The following TNR variants were observed in gnomAD, a reference collection of about 807,000 sequenced individuals.
The protein encoded by TNR is tenascin-R.
Under a neutral mutation model 150.4 loss-of-function variants are expected in TNR, and 45 were observed. The observed-to-expected ratio is 0.30, with a 90% CI of 0.24 to 0.38. TNR has a LOEUF of 0.38. TNR is among the 10% of genes least tolerant of loss of function. TNR has a pLI of 1.00. For missense variants in TNR, 1,544 were observed against 1,759.1 expected, an observed-to-expected ratio of 0.88 and a Z score of 2.19; for synonymous variants, 687 against 678.4, an observed-to-expected ratio of 1.01 and a Z score of -0.20.
At chr1:175,628,193 G>A (rs913740198) in intron 1 of TNR, among the ~76,000 whole-genome samples, 3 of 152,190 alleles carry the variant, frequency 2.0e-5, no homozygotes, top group African/African-American at 7.2e-5. Flanking sequence ...GTTGCCATAA[G>A]GCAGCAAGGA....
chr1:175,532,951 A>G (rs1457050202), intron 1 of TNR, among the ~76,000 whole-genome samples: 1 of 152,154 alleles, frequency 6.6e-6, no homozygotes, highest in East Asian at 1.9e-4. Context: ...GCAAGATTCT[A>G]TTGGTATGCA....
intron 2 of TNR, among the ~76,000 whole-genome samples, chr1:175,493,161 G>A (rs1658333962): frequency 6.6e-6 from 1 of 152,046 alleles, no homozygotes; most frequent in South Asian, 2.1e-4. Flanking sequence ...TCTCCAAGAT[G>A]CTCAGGGTTG....
chr1:175,315,210 T>C lies in TNR; in HGVS notation c.*8147A>G, dbSNP rs1014772397. On this transcript the variant is annotated 3_prime_UTR_variant, in exon 23 of 23. Transcript: ENST00000367674. ...ACACGCATCTTTCTTTCAGGATCTTTTATTAACGTATAGAAAATGTGTTTA... is the reference window on the plus strand; with the variant it reads ...ACACGCATCTTTCTTTCAGGATCTTCTATTAACGTATAGAAAATGTGTTTA... 2.0e-5 allele frequency: 3 copies of C among 152,136 alleles called. No individual in the cohort carries two copies. The highest frequency in any genetic ancestry group is 7.2e-5 in the African/African-American group (3 of 41,432). 9.4% of individuals were successfully genotyped at this position (152,136 alleles called of 1,614,324 possible).
chr1:175,409,536 C>T (rs1422532538), intron 2 of TNR, among the ~76,000 whole-genome samples: 5 of 152,246 alleles, frequency 3.3e-5, no homozygotes, highest in African/African-American at 1.2e-4. Flanking sequence ...ATGAGTTGGT[C>T]AACGGTGTGA....
chr1:175,354,328 C>T, intron 18 of TNR, 63 bp downstream of exon 18: 1 of 1,588,536 alleles, frequency 6.3e-7, no homozygotes, highest in South Asian at 1.1e-5. Context: ...TCAGCAGAGG[C>T]TGCTGATGAG....
At chr1:175,431,755 G>T (rs1655274625) in intron 2 of TNR, among the ~76,000 whole-genome samples, 1 of 151,950 alleles carries the variant, frequency 6.6e-6, no homozygotes, top group Non-Finnish European at 1.5e-5. Context: ...GTCCCTCAAG[G>T]GCAGAGCCAG....
chr1:175,638,418 C>G (rs1363231974), intron 1 of TNR, among the ~76,000 whole-genome samples: 1 of 152,182 alleles, frequency 6.6e-6, no homozygotes, highest in Non-Finnish European at 1.5e-5. Context: ...GATTAGGGCC[C>G]CAAAACCCAT....
At chr1:175,720,426 A>G (rs372461197) in intron 1 of TNR, among the ~76,000 whole-genome samples, 7 of 152,336 alleles carry the variant, frequency 4.6e-5, no homozygotes, top group Admixed American at 3.3e-4. Context: ...CTCCTAGGCT[A>G]TGGTGTTTCA....
intron 15 of TNR, among the ~76,000 whole-genome samples, chr1:175,359,301 A>G (rs1189098686): frequency 2.0e-5 from 3 of 151,286 alleles, no homozygotes; most frequent in Non-Finnish European, 4.4e-5. Context: ...TTGCACCACC[A>G]CTTCCGGCTA....
At chr1:175,532,514 G>A (rs1228907031) in intron 1 of TNR, among the ~76,000 whole-genome samples, 1 of 152,162 alleles carries the variant, frequency 6.6e-6, no homozygotes, top group East Asian at 1.9e-4. Flanking sequence ...TATTGGCAAG[G>A]CTTTGCAATT....
At chr1:175,348,658 C>T (rs376311900) in intron 18 of TNR, among the ~76,000 whole-genome samples, 1 of 151,964 alleles carries the variant, frequency 6.6e-6, no homozygotes, top group Non-Finnish European at 1.5e-5. Context: ...CAATGAGGCA[C>T]CACAAACCAA....
Position 175,716,357 on chromosome 1 carries a change from T to G in TNR, c.-165+26869A>C, listed in dbSNP as rs188144087. ...ACTCAAGACATCTCAAATCCAAACC[T>G]TACTCCTCCCACATCTGTCTCCCCT... On this transcript the variant is annotated intron_variant, in intron 1 of 22. Coordinates refer to ENST00000367674, the MANE Select transcript of TNR (RefSeq NM_003285.3). Among the ~76,000 whole-genome samples the G allele has an allele frequency of 1.2e-4, 19 of 152,308 alleles. No homozygotes were observed. In the East Asian group the frequency reaches 3.7e-3, roughly 29 times the overall value.
chr1:175,689,523 G>C (rs898355271), intron 1 of TNR, among the ~76,000 whole-genome samples: 14 of 152,144 alleles, frequency 9.2e-5, no homozygotes, highest in Admixed American at 5.9e-4. Context: ...CAGGCTGCCA[G>C]CTCCCTTGAA....
At chr1:175,493,419 G>A (rs113517870) in intron 2 of TNR, among the ~76,000 whole-genome samples, 2,704 of 152,344 alleles carry the variant, frequency 0.018, 58 homozygotes, top group African/African-American at 0.047. Context: ...CCCAGCAGAA[G>A]TGAGAGGTGA....
chr1:175,707,689 G>T (rs916836032), intron 1 of TNR, among the ~76,000 whole-genome samples: 2 of 152,112 alleles, frequency 1.3e-5, no homozygotes, highest in Non-Finnish European at 2.9e-5. Context: ...CTTGTTCAAA[G>T]TAAATAAAAT....
intron 20 of TNR, among the ~76,000 whole-genome samples, chr1:175,332,864 A>G (rs1195979268): frequency 6.6e-6 from 1 of 152,238 alleles, no homozygotes; most frequent in Non-Finnish European, 1.5e-5. Flanking sequence ...AGTGTTACCC[A>G]GTGTGGATGG....
intron 1 of TNR, among the ~76,000 whole-genome samples, chr1:175,545,000 T>C (rs1261077438): frequency 6.6e-6 from 1 of 152,198 alleles, no homozygotes; most frequent in Non-Finnish European, 1.5e-5. Context: ...TCCTTCATCC[T>C]GGATCCCTAA....
At chr1:175,469,335 G>T (rs1187178052) in intron 2 of TNR, among the ~76,000 whole-genome samples, 1 of 152,166 alleles carries the variant, frequency 6.6e-6, no homozygotes, top group African/African-American at 2.4e-5. Context: ...AGACCCAATT[G>T]CTGTAAGAAT....
chr1:175,470,903 C>T (rs890927515), intron 2 of TNR, among the ~76,000 whole-genome samples: 9 of 152,116 alleles, frequency 5.9e-5, no homozygotes, highest in Non-Finnish European at 8.8e-5. Context: ...GGTGGGAACT[C>T]GATGACCACT....
Sources: allele counts gnomAD v4.1 joint callset (sites outside exome capture counted in the v4.1 genomes callset), GRCh38; gene constraint gnomAD v4.1.1; transcripts MANE v1.5; gene names NCBI Gene and HGNC (gene_info 2026-07-23, HGNC 2026-07-21).